The following NOX4 variants were observed in gnomAD, a reference collection of about 807,000 sequenced individuals.
The protein encoded by NOX4 is kidney oxidase-1.
In NOX4, 69 loss-of-function variants were observed where a neutral mutation model predicts 87.6. The ratio of observed to expected loss-of-function variants is 0.79; its 90% CI spans 0.65 to 0.96. NOX4 has a LOEUF of 0.96. Ranked by LOEUF, NOX4 falls within the 40% of genes least tolerant of loss-of-function variation. The pLI, the probability that NOX4 is intolerant of heterozygous loss-of-function variation, is 0.00. For synonymous variants in NOX4, 275 were observed against 238.2 expected, an observed-to-expected ratio of 1.15 and a Z score of -1.42; for missense variants, 680 against 681.5, an observed-to-expected ratio of 1.00 and a Z score of 0.02.
At chr11:89,419,955 A>G (rs935170364) in intron 8 of NOX4, among the ~76,000 whole-genome samples, 1 of 152,040 alleles carries the variant, frequency 6.6e-6, no homozygotes, top group Non-Finnish European at 1.5e-5. Context: ...TTTATTTTCT[A>G]TATCTATCTG....
rs1420124165 is a variant in NOX4 at position 89,461,643 on chromosome 11, T to TC, written c.154-9749dup. 2.7e-5 allele frequency among the ~76,000 whole-genome samples: 4 copies of TC among 149,960 alleles called. No homozygotes were observed. The East Asian group carries it at 7.8e-4, about 29-fold the overall frequency. On this transcript the variant is annotated intron_variant, in intron 2 of 17. Transcript: ENST00000263317. ...CTGGGCAAAAGAGCAAGACTCCATC[T>TC]CAAAAAATAAATAAATAAATAAATA... is the stretch of plus-strand genomic sequence containing the variant.
At chr11:89,422,053 T>C (rs1344782086) in intron 7 of NOX4, 71 bp from the exon 8 acceptor site, 10 of 806,418 alleles carry the variant, frequency 1.2e-5, no homozygotes, top group South Asian at 1.9e-5. Context: ...AAAAATACCA[T>C]GTATCATTTC....
At chr11:89,373,537 T>C (rs1939615356) in intron 11 of NOX4, 45 bp from the exon 12 acceptor site, 1 of 1,165,558 alleles carries the variant, frequency 8.6e-7, no homozygotes, top group Non-Finnish European at 1.3e-6. Context: ...AATTACATAA[T>C]ATGAAATTAT....
the NOX4 span, among the ~76,000 whole-genome samples, chr11:89,553,615 C>CA: frequency 5.9e-3 from 888 of 150,226 alleles, 6 homozygotes; most frequent in African/African-American, 0.02. Flanking sequence ...AGTAGAGAGA[C>CA]AAAAAAAAAT....
At chr11:89,562,636 T>C in the NOX4 span, among the ~76,000 whole-genome samples, 7 of 152,354 alleles carry the variant, frequency 4.6e-5, no homozygotes, top group East Asian at 1.9e-4. Flanking sequence ...CATATGAGAC[T>C]ATGTATTTGT....
intron 2 of NOX4, among the ~76,000 whole-genome samples, chr11:89,472,275 C>T (rs16913342): frequency 0.024 from 3,707 of 152,178 alleles, 151 homozygotes; most frequent in African/African-American, 0.085. Flanking sequence ...ATGATCCCAG[C>T]TCATTTCTGT....
the NOX4 span, among the ~76,000 whole-genome samples, chr11:89,547,127 CCT>C: frequency 2.0e-5 from 3 of 152,132 alleles, no homozygotes; most frequent in Admixed American, 6.6e-5. Flanking sequence ...TGCAGCCTTT[CCT>C]CTCATCCTTT....
chr11:89,463,891 T>C (rs1209824225), intron 2 of NOX4, among the ~76,000 whole-genome samples: 2 of 152,156 alleles, frequency 1.3e-5, no homozygotes, highest in African/African-American at 2.4e-5. Context: ...CTTGTTTATA[T>C]AGGCTTCCAG....
At chr11:89,338,070 A>G (rs1338873203) in intron 15 of NOX4, among the ~76,000 whole-genome samples, 3 of 152,062 alleles carry the variant, frequency 2.0e-5, no homozygotes, top group Non-Finnish European at 4.4e-5. Context: ...AGAAAAAAAT[A>G]TGGAACAACA....
At chr11:89,408,640 T>C (rs1449002401) in intron 8 of NOX4, among the ~76,000 whole-genome samples, 2 of 152,178 alleles carry the variant, frequency 1.3e-5, no homozygotes, top group Non-Finnish European at 2.9e-5. Context: ...TTGCCTTTGA[T>C]AGCTAAGAGT....
At chr11:89,379,459 TACTCCACAAACCCAAAGACAAGG>T (rs1940111726) in intron 11 of NOX4, among the ~76,000 whole-genome samples, 1 of 152,066 alleles carries the variant, frequency 6.6e-6, no homozygotes, top group Non-Finnish European at 1.5e-5. Flanking sequence ...ATGTAACTAC[TACTCCACAAACCCAAAGACAAGG>T]AGACGTGAAA....
chr11:89,400,642 AT>A (rs1448285875), intron 9 of NOX4, among the ~76,000 whole-genome samples: 1 of 152,020 alleles, frequency 6.6e-6, no homozygotes, highest in African/African-American at 2.4e-5. Context: ...AAACAAGTAT[AT>A]ATTCTTTCAT....
At chr11:89,411,245 G>A (rs1224679469) in intron 8 of NOX4, among the ~76,000 whole-genome samples, 1 of 152,130 alleles carries the variant, frequency 6.6e-6, no homozygotes, top group Non-Finnish European at 1.5e-5. Context: ...ACTCGCCATG[G>A]GCCTTGGGTG....
At chr11:89,496,594 G>GA (rs1946955313), upstream of NOX4, among the ~76,000 whole-genome samples, 1 of 150,004 alleles carries the variant, frequency 6.7e-6, no homozygotes, top group African/African-American at 2.4e-5. Context: ...AAAAAAAAGA[G>GA]AAAAAATAAA....
the NOX4 span, among the ~76,000 whole-genome samples, chr11:89,552,415 T>C: frequency 6.6e-6 from 1 of 152,324 alleles, no homozygotes; most frequent in Non-Finnish European, 1.5e-5. Flanking sequence ...TTAATTCTTT[T>C]GGTAGTTTAT....
Position 89,400,337 on chromosome 11 carries a change from C to G in NOX4, c.889G>C (p.Glu297Gln). The change falls in exon 10 of 18, where the codon GAA (glutamate) becomes CAA (glutamine). Residue 297 changes from glutamate (E) to glutamine (Q), a missense_variant. Glu to Gln is a conservative substitution (Grantham distance 29). Coordinates refer to ENST00000263317, the MANE Select transcript of NOX4 (RefSeq NM_016931.5). ...CTCCGGATATACCTGTAAAGTCTTT[C>G]GGCACAGTACAGGCACAAAGGTCCA... Reference protein sequence around the residue: ...ISGPLCLYCAERLYRYIRSNK... With the variant: ...ISGPLCLYCAQRLYRYIRSNK... 6.2e-7 allele frequency: 1 copy of G among 1,612,248 alleles called. No homozygotes were observed. Among genetic ancestry groups the G allele is most frequent in the Non-Finnish European group, 8.5e-7 (1 of 1,179,060 alleles).
chr11:89,401,953 A>T (rs1245850462), intron 9 of NOX4, among the ~76,000 whole-genome samples: 1 of 151,646 alleles, frequency 6.6e-6, no homozygotes, highest in African/African-American at 2.4e-5. Flanking sequence ...ACATAATAAT[A>T]TAATACAATA....
At chr11:89,338,230 T>C (rs1490981410) in intron 15 of NOX4, among the ~76,000 whole-genome samples, 6 of 152,110 alleles carry the variant, frequency 3.9e-5, no homozygotes, top group African/African-American at 9.7e-5. Context: ...GGACCTCCTA[T>C]AAGTGACAGC....
chr11:89,469,063 A>T (rs925445088), intron 2 of NOX4, among the ~76,000 whole-genome samples: 3 of 152,196 alleles, frequency 2.0e-5, no homozygotes, highest in Non-Finnish European at 4.4e-5. Flanking sequence ...TCACATCTTC[A>T]TCCAAATTTT....
Sources: gnomAD v4.1 joint callset for allele counts (sites outside exome capture counted in the v4.1 genomes callset) on GRCh38, gnomAD v4.1.1 for gene constraint, MANE v1.5 for transcripts, NCBI Gene and HGNC (gene_info 2026-07-23, HGNC 2026-07-21) for gene names.